The following SNRNP200 variants were observed in gnomAD, a reference collection of about 807,000 sequenced individuals.
SNRNP200 encodes the protein U5 small nuclear ribonucleoprotein 200 kDa helicase.
A neutral mutation model predicts 255.2 loss-of-function variants in SNRNP200; 66 were observed. The observed-to-expected ratio is 0.26, with a 90% confidence interval of 0.21 to 0.32. SNRNP200 has a LOEUF of 0.32. Ranked by LOEUF, SNRNP200 falls within the 10% of genes least tolerant of loss-of-function variation. SNRNP200 has a pLI of 1.00. For synonymous variants in SNRNP200, 939 were observed against 1,027.8 expected (o/e 0.91, Z 1.65); for missense variants, 1,585 against 2,749.8 (o/e 0.58, Z 9.47).
In SNRNP200 at chr2:96,278,780, G is replaced by C; in HGVS notation, c.5323+29C>G. ...AGCAAAGACTGTGAGAACCACCAAA[G>C]GATCACGTGTGCTCCCAAGCCCACT... On this transcript the variant is annotated intron_variant, in intron 37 of 44. Coordinates refer to ENST00000323853, the MANE Select transcript of SNRNP200 (RefSeq NM_014014.5). The surrounding 1 kb of genome is among the most constrained non-coding windows in gnomAD (Gnocchi z 6.9). 6.2e-7 allele frequency: 1 copy of C among 1,614,160 alleles called. No individual in the cohort carries two copies. The highest frequency in any genetic ancestry group is 8.5e-7 in the Non-Finnish European group (1 of 1,180,000).
In SNRNP200 at chr2:96,290,259, C is replaced by T. The variant is rs573333528; in HGVS notation, c.2742+67G>A. ...TGCTGGCCCGCAGCACAATAGGGAC[C>T]GACCCACTCCTGGTGCCTTGGTGTC... is the stretch of plus-strand genomic sequence containing the variant. On this transcript the variant is annotated intron_variant, in intron 20 of 44. Coordinates refer to ENST00000323853, the MANE Select transcript of SNRNP200 (RefSeq NM_014014.5). The surrounding 1 kb of genome is among the most constrained non-coding windows in gnomAD (Gnocchi z 4.5). The T allele has an allele frequency of 1.5e-5, 24 of 1,555,406 alleles. No homozygotes were observed. In the Admixed American group the frequency reaches 3.3e-4, roughly 22 times the overall value.
At chr2:96,279,045 A>AGTG (rs1684716752) in intron 36 of SNRNP200, 47 bp from the exon 37 acceptor site, 1 of 1,512,932 alleles carries the variant, frequency 6.6e-7, no homozygotes, top group Non-Finnish European at 9.2e-7. Flanking sequence ...TAGTGACAAC[A>AGTG]CGGTCACAGA....
intron 8 of SNRNP200, 25 bp from the exon 9 acceptor site, chr2:96,298,445 G>C (rs1475003963): frequency 2.5e-6 from 4 of 1,613,974 alleles, no homozygotes; most frequent in Non-Finnish European, 3.4e-6. Flanking sequence ...AGGAACAAAG[G>C]AAGTGAGGAG....
chr2:96,285,123 G>A (rs900616322), intron 30 of SNRNP200, 57 bp downstream of exon 30: 18 of 1,588,742 alleles, frequency 1.1e-5, no homozygotes, highest in Middle Eastern at 1.7e-4. Context: ...GCCTTCATAC[G>A]GAATCACAGA....
intron 43 of SNRNP200, chr2:96,276,531 C>G (rs909884371): frequency 3.5e-4 from 115 of 332,034 alleles, no homozygotes; most frequent in Non-Finnish European, 5.3e-4. Flanking sequence ...ACACCATTCT[C>G]CTGACTCAAC....
rs2063982963 is a variant in SNRNP200 at position 96,305,523 on chromosome 2, G to A, written c.-86C>T. Reference sequence around the variant, plus strand: ...CGCAGATCTCTGCTCCCGCCGCGCCGGAACGACGCAGGAAAGACGCACTGG... The same window carrying A: ...CGCAGATCTCTGCTCCCGCCGCGCCAGAACGACGCAGGAAAGACGCACTGG... On this transcript the variant is annotated 5_prime_UTR_variant, in exon 1 of 45. Transcript: ENST00000323853. The A allele has an allele frequency of 6.3e-7, 1 of 1,579,056 alleles. No homozygotes were observed. The highest frequency in any genetic ancestry group is 8.7e-7 in the Non-Finnish European group (1 of 1,152,988).
In SNRNP200 at chr2:96,297,538, T is replaced by C; in HGVS notation, c.1204-2A>G. The C allele has an allele frequency of 6.2e-7, 1 of 1,614,076 alleles. No homozygotes were observed. The highest frequency in any genetic ancestry group is 8.5e-7 in the Non-Finnish European group (1 of 1,179,994). On this transcript the variant is annotated splice_acceptor_variant, in intron 10 of 44. Transcript: ENST00000323853. LOFTEE classifies it high-confidence loss of function. ...CAGAACCTGCCGTGGAGCCAGTGCCTGGGAATGTGAAAGACAAAAACACAA... is the reference window on the plus strand; with the variant it reads ...CAGAACCTGCCGTGGAGCCAGTGCCCGGGAATGTGAAAGACAAAAACACAA...
chr2:96,299,077 G>A (rs2063937045), intron 6 of SNRNP200, 110 bp from the exon 7 acceptor site: 4 of 1,428,528 alleles, frequency 2.8e-6, no homozygotes, highest in Middle Eastern at 1.8e-4. Context: ...ACCTTCTTGT[G>A]AGGACTTTCC....
At position 96,286,203 on chromosome 2, in the gene SNRNP200, T is replaced by A; in HGVS notation, c.4003+108A>T. The A allele has an allele frequency of 3.6e-6, 4 of 1,119,344 alleles. No individual in the cohort carries two copies. The highest frequency in any genetic ancestry group is 5.5e-6 in the Non-Finnish European group (4 of 732,010). The allele number at this position is 1,119,344 out of a possible 1,614,324, so 69.3% of individuals were successfully genotyped here. ...GGTCCCAGCGGTCACACTGAGGAGC[T>A]CCCAGACCTCCCAAGTGCCTGAGCA... is the stretch of plus-strand genomic sequence containing the variant. On this transcript the variant is annotated intron_variant, in intron 29 of 44. Transcript: ENST00000323853. The surrounding 1 kb of genome is among the most constrained non-coding windows in gnomAD (Gnocchi z 4.8).
chr2:96,286,425 G>C lies in SNRNP200; in HGVS notation c.3889C>G (p.Pro1297Ala), dbSNP rs371511825. ...RHLILPEKYP[P>A]PTELLDLQPL... The stretch of plus-strand genomic sequence containing the variant: ...TGCAGGTCCAAAAGTTCGGTTGGAG[G>C]GGGGTACTTCTCCGGCAAGATCAGG... Residue 1297 changes from proline (P) to alanine (A), a missense_variant, in exon 29 of 45, where the codon CCT becomes GCT. Transcript: ENST00000323853. The surrounding 1 kb of genome is among the most constrained non-coding windows in gnomAD (Gnocchi z 4.8). 3.2e-5 allele frequency: 52 copies of C among 1,614,182 alleles called. No homozygotes were observed. Among genetic ancestry groups the C allele is most frequent in the Non-Finnish European group, 3.9e-5 (46 of 1,180,028 alleles).
rs749063939 is a variant in SNRNP200, at chr2:96,278,580, C to T, written c.5455G>A (p.Ala1819Thr). Reference sequence around the variant, plus strand: ...GTGTAGTTGATGTAATAGTAGGCGGCGATCATGCCTAGGTTCAGAGGCGCC... The same window carrying T: ...GTGTAGTTGATGTAATAGTAGGCGGTGATCATGCCTAGGTTCAGAGGCGCC... ...DVAPLNLGMIAAYYYINYTTI... is the reference protein window; with the variant it reads ...DVAPLNLGMITAYYYINYTTI... Residue 1819 changes from alanine (A) to threonine (T), a missense_variant, in exon 38 of 45, where the codon GCC (alanine) becomes ACC (threonine). Ala to Thr is a moderately conservative substitution (Grantham distance 58). This residue lies in a region of SNRNP200 where 279 missense variants were observed against 551.2 expected (regional missense o/e 0.51). Transcript: ENST00000323853. This position sits in a 1 kb window ranked among gnomAD's most constrained non-coding sequence, Gnocchi z 6.9. 2.5e-6 allele frequency: 4 copies of T among 1,613,970 alleles called. No individual in the cohort carries two copies. The highest frequency in any genetic ancestry group is 4.5e-5 in the East Asian group (2 of 44,892).
intron 5 of SNRNP200, 119 bp downstream of exon 5, chr2:96,300,879 C>A: frequency 2.4e-6 from 2 of 840,640 alleles, no homozygotes; most frequent in Non-Finnish European, 4.1e-6. Context: ...AGTCTGAAAC[C>A]CATACAACAC....
chr2:96,295,474 T>A lies in SNRNP200; in HGVS notation c.1842+14A>T, dbSNP rs1455541629. Reference sequence around the variant, plus strand: ...ACAACTGGACTCTATATTCTACGACTGCTCCCAACTCACCAGAATGATGAG... The same window carrying A: ...ACAACTGGACTCTATATTCTACGACAGCTCCCAACTCACCAGAATGATGAG... On this transcript the variant is annotated intron_variant, in intron 14 of 44. Coordinates refer to ENST00000323853, the MANE Select transcript of SNRNP200 (RefSeq NM_014014.5). 6 of 1,613,120 alleles carry A rather than the reference T, an allele frequency of 3.7e-6. No homozygotes were observed. Among genetic ancestry groups the A allele is most frequent in the Non-Finnish European group, 5.1e-6 (6 of 1,180,002 alleles).
At chr2:96,303,921 T>G (rs933009117) in intron 2 of SNRNP200, among the ~76,000 whole-genome samples, 1 of 150,356 alleles carries the variant, frequency 6.7e-6, no homozygotes, top group Non-Finnish European at 1.5e-5. Flanking sequence ...CAACCCTTCA[T>G]ACATTGTATG....
At chr2:96,284,103 T>A in intron 31 of SNRNP200, 99 bp from the exon 32 acceptor site, 2 of 1,170,786 alleles carry the variant, frequency 1.7e-6, no homozygotes, top group Non-Finnish European at 2.5e-6. Flanking sequence ...CAAAATGACC[T>A]CATTCTTCCT....
rs778591062 is a variant in SNRNP200, at chr2:96,286,287, CAGA to C, written c.4003+21_4003+23del. On this transcript the variant is annotated intron_variant, in intron 29 of 44. Transcript: ENST00000323853. The surrounding 1 kb of genome is among the most constrained non-coding windows in gnomAD (Gnocchi z 4.8). ...GTCTCCCGGTGACTTCAAAAGCCTC[CAGA>C]GGAGGGATGGAAACACTTACCCTGG... The C allele has an allele frequency of 6.2e-7, 1 of 1,613,074 alleles. No homozygotes were observed. Among genetic ancestry groups the C allele is most frequent in the Non-Finnish European group, 8.5e-7 (1 of 1,179,274 alleles).
At chr2:96,294,632 C>T (rs1476869054) in intron 14 of SNRNP200, among the ~76,000 whole-genome samples, 3 of 152,228 alleles carry the variant, frequency 2.0e-5, no homozygotes, top group South Asian at 4.1e-4. Flanking sequence ...AAAACCAACA[C>T]GTGAAGTCTC....
At position 96,289,270 on chromosome 2, in the gene SNRNP200, A is replaced by C; in HGVS notation, c.3050T>G (p.Val1017Gly). 6.2e-7 allele frequency: 1 copy of C among 1,614,210 alleles called. No individual in the cohort carries two copies. The highest frequency in any genetic ancestry group is 8.5e-7 in the Non-Finnish European group (1 of 1,180,028). The stretch of plus-strand genomic sequence containing the variant: ...CTTGAACTCAGAGGACAATGAGAAG[A>C]CCCTGAAAAGCTCAATCTCACTCAG... Reference protein sequence around the residue: ...PTLSEIELFRVFSLSSEFKNI... With the variant: ...PTLSEIELFRGFSLSSEFKNI... The change falls in exon 22 of 45, where the codon GTC becomes GGC. Residue 1017 changes from valine to glycine, a missense_variant. Physicochemically the swap from Val to Gly is moderately radical, Grantham distance 109. Coordinates refer to ENST00000323853, the MANE Select transcript of SNRNP200 (RefSeq NM_014014.5).
At chr2:96,288,932 G>C in intron 23 of SNRNP200, 105 bp downstream of exon 23, 1 of 1,142,762 alleles carries the variant, frequency 8.8e-7, no homozygotes. Context: ...TAGGAGAACT[G>C]AGCAGGAAAC....
Sources: allele counts gnomAD v4.1 joint callset (sites outside exome capture counted in the v4.1 genomes callset), GRCh38; gene constraint gnomAD v4.1.1; regional missense constraint gnomAD v4.1.1; non-coding constraint Gnocchi (gnomAD v3.1); transcripts MANE v1.5; gene names NCBI Gene and HGNC (gene_info 2026-07-23, HGNC 2026-07-21).